CDK5RAP2: variants seen among roughly 807,000 people sequenced by gnomAD.
CDK5RAP2 encodes the protein CDK5 regulatory subunit-associated protein 2.
Under a neutral mutation model 232.9 loss-of-function variants are expected in CDK5RAP2, and 147 were observed. The ratio of observed to expected loss-of-function variants is 0.63; its 90% CI spans 0.55 to 0.72. CDK5RAP2 has a LOEUF of 0.72. Among genes scored for constraint, CDK5RAP2 ranks in the 30% least tolerant of loss-of-function variants. CDK5RAP2 has a pLI of 0.00. For synonymous variants in CDK5RAP2, 833 were observed against 833.7 expected (o/e 1.00, Z 0.01); for missense variants, 2,195 against 2,231.5 (o/e 0.98, Z 0.33).
At chr9:120,422,278 A>C (rs2034610486) in intron 26 of CDK5RAP2, among the ~76,000 whole-genome samples, 1 of 152,212 alleles carries the variant, frequency 6.6e-6, no homozygotes, top group Admixed American at 6.5e-5. Context: ...GTGGAGAATA[A>C]TACAAAGCCA....
intron 25 of CDK5RAP2, among the ~76,000 whole-genome samples, chr9:120,425,443 G>A (rs910865390): frequency 6.6e-6 from 1 of 152,126 alleles, no homozygotes; most frequent in Non-Finnish European, 1.5e-5. Flanking sequence ...CATCTCTCAG[G>A]CAAATCTTGT....
At chr9:120,492,953 T>C (rs994043595) in intron 12 of CDK5RAP2, among the ~76,000 whole-genome samples, 1 of 152,204 alleles carries the variant, frequency 6.6e-6, no homozygotes, top group African/African-American at 2.4e-5. Flanking sequence ...AAGCCTAGAA[T>C]TGGTGTCCTC....
Position 120,447,972 on chromosome 9 carries a change from T to C in CDK5RAP2, c.2948A>G (p.Lys983Arg), listed in dbSNP as rs1481011060. Residue 983 changes from lysine (K) to arginine (R), a missense_variant, in exon 22 of 38, where the codon AAG becomes AGG. Transcript: ENST00000349780. The stretch of plus-strand genomic sequence containing the variant: ...CAGAATTAACTTTTGGTGAAGTTGC[T>C]TATTACAAGTTTTAAACTCCTTCAG... ...GELKEFKTCNKQLHQKLILAE... is the reference protein window; with the variant it reads ...GELKEFKTCNRQLHQKLILAE... 1 of 1,614,190 alleles carries C rather than the reference T, an allele frequency of 6.2e-7. No homozygotes were observed.
intron 28 of CDK5RAP2, among the ~76,000 whole-genome samples, chr9:120,412,844 T>C (rs1368118158): frequency 1.3e-5 from 2 of 152,208 alleles, no homozygotes; most frequent in East Asian, 3.8e-4. Context: ...CTCATGTTAA[T>C]GATTCACTTA....
chr9:120,577,577 A>G (rs1362528010), intron 1 of CDK5RAP2, among the ~76,000 whole-genome samples: 1 of 152,226 alleles, frequency 6.6e-6, no homozygotes, highest in Non-Finnish European at 1.5e-5. Context: ...GATGGAATGT[A>G]TGCAGTATCT....
intron 26 of CDK5RAP2, among the ~76,000 whole-genome samples, chr9:120,421,872 A>T (rs1205147836): frequency 6.6e-6 from 1 of 152,194 alleles, no homozygotes; most frequent in African/African-American, 2.4e-5. Context: ...TTCAAGTTCA[A>T]ATCCTAGCTC....
chr9:120,489,870 C>A (rs1178370565), intron 13 of CDK5RAP2, among the ~76,000 whole-genome samples: 1 of 150,848 alleles, frequency 6.6e-6, no homozygotes, highest in Non-Finnish European at 1.5e-5. Context: ...TGCAGTGGCA[C>A]AATCTCGGCT....
chr9:120,460,014 A>T (rs2036993848), intron 19 of CDK5RAP2, among the ~76,000 whole-genome samples: 1 of 152,120 alleles, frequency 6.6e-6, no homozygotes, highest in African/African-American at 2.4e-5. Context: ...TGATTGGAAG[A>T]GTGCTCTATG....
chr9:120,547,481 G>A (rs776807666), intron 4 of CDK5RAP2, among the ~76,000 whole-genome samples: 2 of 152,012 alleles, frequency 1.3e-5, no homozygotes, highest in African/African-American at 4.8e-5. Flanking sequence ...GCACATGCCT[G>A]TAGTCCCAGG....
intron 14 of CDK5RAP2, 137 bp downstream of exon 14, chr9:120,487,157 C>T (rs1013526581): frequency 3.3e-6 from 3 of 901,322 alleles, no homozygotes; most frequent in Admixed American, 3.5e-5. Context: ...CTAAGAACTC[C>T]TCCTCCTACC....
chr9:120,482,094 C>T (rs1162754862), intron 14 of CDK5RAP2, among the ~76,000 whole-genome samples: 1 of 152,148 alleles, frequency 6.6e-6, no homozygotes, highest in Non-Finnish European at 1.5e-5. Context: ...TTTGAGTCCA[C>T]TAAGCTAGTA....
At chr9:120,497,807 T>C (rs547638481) in intron 12 of CDK5RAP2, among the ~76,000 whole-genome samples, 41 of 152,320 alleles carry the variant, frequency 2.7e-4, no homozygotes, top group Non-Finnish European at 4.9e-4. Context: ...TAAAAGAGTC[T>C]TGGAACATGT....
At chr9:120,406,479 G>A (rs2033449574) in intron 32 of CDK5RAP2, 1 of 155,280 alleles carries the variant, frequency 6.4e-6, no homozygotes, top group Admixed American at 6.2e-5. Context: ...ACCATTTACT[G>A]GTTTGCTCCA....
chr9:120,529,860 G>A, intron 8 of CDK5RAP2, 118 bp downstream of exon 8: 1 of 956,302 alleles, frequency 1.0e-6, no homozygotes, highest in Non-Finnish European at 1.7e-6. Context: ...AGCTGACAGG[G>A]GACTCATATT....
At chr9:120,568,286 T>C in intron 3 of CDK5RAP2, 35 bp downstream of exon 3, 1 of 1,527,638 alleles carries the variant, frequency 6.5e-7, no homozygotes, top group Non-Finnish European at 9.1e-7. Context: ...GCAGACACAA[T>C]TTGTTGGGGG....
Position 120,448,184 on chromosome 9 carries a change from C to T in CDK5RAP2, c.2794-58G>A. 3.7e-6 allele frequency: 5 copies of T among 1,363,488 alleles called. No homozygotes were observed. In the South Asian group the frequency reaches 4.7e-5, roughly 13 times the overall value. The allele number at this position is 1,363,488 out of a possible 1,614,324, so 84.5% of individuals were successfully genotyped here. On this transcript the variant is annotated intron_variant, in intron 21 of 37. Transcript: ENST00000349780. Reference sequence around the variant, plus strand: ...TTTGAACACACTTCCTTTGGTTGCACAGTCAACATTCTCATGCCAGCCTTA... The same window carrying T: ...TTTGAACACACTTCCTTTGGTTGCATAGTCAACATTCTCATGCCAGCCTTA...
At chr9:120,506,301 C>T (rs2039809556) in intron 12 of CDK5RAP2, among the ~76,000 whole-genome samples, 1 of 152,174 alleles carries the variant, frequency 6.6e-6, no homozygotes, top group Non-Finnish European at 1.5e-5. Context: ...ACTGTTGAGA[C>T]CTACTGTTCA....
At chr9:120,397,115 C>T (rs1257853438) in intron 35 of CDK5RAP2, among the ~76,000 whole-genome samples, 1 of 152,230 alleles carries the variant, frequency 6.6e-6, no homozygotes, top group East Asian at 1.9e-4. Context: ...GCCACTCCCT[C>T]CCAGGAGGCC....
At chr9:120,520,865 A>G (rs10984940) in intron 11 of CDK5RAP2, among the ~76,000 whole-genome samples, 12,833 of 62,462 alleles carry the variant, frequency 0.21, 4,279 homozygotes, top group South Asian at 0.3. Context: ...CATATGAGCT[A>G]TATCTCATAT....
Sources: allele counts gnomAD v4.1 joint callset (sites outside exome capture counted in the v4.1 genomes callset), GRCh38; gene constraint gnomAD v4.1.1; transcripts MANE v1.5; gene names NCBI Gene and HGNC (gene_info 2026-07-23, HGNC 2026-07-21).